Variants in GPC5 observed in about 807,000 individuals in gnomAD.
GPC5 encodes the protein glypican 5.
In GPC5, 47 loss-of-function variants were observed where a neutral mutation model predicts 53.9. The observed-to-expected ratio is 0.87, with a 90% CI of 0.69 to 1.11. GPC5 has a LOEUF of 1.11. Among genes scored for constraint, GPC5 ranks in the 50% most tolerant of loss-of-function variants. GPC5 has a pLI of 0.00. For synonymous variants in GPC5, 286 were observed against 263.3 expected (o/e 1.09, Z -0.84); for missense variants, 748 against 713.1 (o/e 1.05, Z -0.56).
At chr13:92,431,614 G>A (rs183264156) in intron 7 of GPC5, among the ~76,000 whole-genome samples, 1 of 152,190 alleles carries the variant, frequency 6.6e-6, no homozygotes, top group Non-Finnish European at 1.5e-5. Context: ...TAGATTGTCT[G>A]AGCAAAGACT....
chr13:92,583,781 C>T (rs1883443919), intron 7 of GPC5, among the ~76,000 whole-genome samples: 1 of 152,140 alleles, frequency 6.6e-6, no homozygotes, highest in Non-Finnish European at 1.5e-5. Context: ...ATCTTGAATT[C>T]CCAAGTGTTG....
chr13:92,698,143 T>C (rs1158357840), intron 7 of GPC5, among the ~76,000 whole-genome samples: 2 of 152,144 alleles, frequency 1.3e-5, no homozygotes, highest in Non-Finnish European at 2.9e-5. Flanking sequence ...TCATCAGGGA[T>C]ATTGGCCTGA....
intron 7 of GPC5, among the ~76,000 whole-genome samples, chr13:92,637,677 C>T (rs1288547960): frequency 1.3e-5 from 2 of 152,110 alleles, no homozygotes; most frequent in Non-Finnish European, 2.9e-5. Flanking sequence ...TAAAGCTTAA[C>T]TATTCGGCAC....
chr13:92,436,822 T>G (rs1483084420), intron 7 of GPC5, among the ~76,000 whole-genome samples: 1 of 152,192 alleles, frequency 6.6e-6, no homozygotes, highest in African/African-American at 2.4e-5. Flanking sequence ...ATTTATCCTT[T>G]TATTCCTAGT....
intron 2 of GPC5, among the ~76,000 whole-genome samples, chr13:91,680,772 A>G (rs1052482649): frequency 4.6e-5 from 7 of 152,194 alleles, no homozygotes; most frequent in African/African-American, 1.7e-4. Flanking sequence ...CCTAAACAAG[A>G]TGCTGTTCAC....
intron 6 of GPC5, among the ~76,000 whole-genome samples, chr13:92,110,097 T>C (rs771174572): frequency 3.3e-5 from 5 of 152,180 alleles, no homozygotes; most frequent in Non-Finnish European, 7.3e-5. Context: ...ACTCTAGTTA[T>C]ATGAATGGGA....
chr13:92,376,947 G>A (rs547688639), intron 7 of GPC5, among the ~76,000 whole-genome samples: 4 of 151,918 alleles, frequency 2.6e-5, no homozygotes, highest in East Asian at 1.9e-4. Context: ...ACCCAGGAGC[G>A]GAGGTTGCAG....
At chr13:91,714,696 G>A (rs1566631301) in intron 3 of GPC5, among the ~76,000 whole-genome samples, 1 of 152,088 alleles carries the variant, frequency 6.6e-6, no homozygotes, top group Non-Finnish European at 1.5e-5. Flanking sequence ...CGAGATAATA[G>A]GGAGGATAGG....
chr13:92,453,444 A>C (rs1212744412), intron 7 of GPC5, among the ~76,000 whole-genome samples: 1 of 152,148 alleles, frequency 6.6e-6, no homozygotes, highest in African/African-American at 2.4e-5. Flanking sequence ...AGCGGGATTC[A>C]CCAGGAAGCT....
In GPC5 at chr13:91,693,378, C is replaced by T. The variant is rs766400383; in HGVS notation, c.517C>T (p.Leu173=). ...VNRFFDSLFP[L]VYNHLINPGV... is the part of the protein sequence containing the mutation. The stretch of plus-strand genomic sequence containing the variant: ...CAGATTTTTTGACAGTCTTTTTCCT[C>T]TGGTCTACAACCACCTCATTAACCC... The change falls in exon 3 of 8, where the codon CTG becomes TTG. Residue 173 remains leucine, a synonymous_variant. Transcript: ENST00000377067. The T allele has an allele frequency of 1.9e-6, 3 of 1,614,086 alleles. No individual in the cohort carries two copies. The South Asian group carries it at 3.3e-5, about 18-fold the overall frequency.
chr13:91,977,586 ACAC>A (rs1470202113), intron 6 of GPC5, among the ~76,000 whole-genome samples: 1 of 152,180 alleles, frequency 6.6e-6, no homozygotes, highest in Non-Finnish European at 1.5e-5. Context: ...TTTGAGCTAA[ACAC>A]ATTTGGGAAA....
At chr13:92,164,922 G>T (rs1157912185) in intron 7 of GPC5, among the ~76,000 whole-genome samples, 1 of 152,240 alleles carries the variant, frequency 6.6e-6, no homozygotes, top group African/African-American at 2.4e-5. Context: ...AAGGCTTGGG[G>T]TTCGCACCCT....
chr13:92,840,916 G>A (rs1399003397), intron 7 of GPC5, among the ~76,000 whole-genome samples: 2 of 151,926 alleles, frequency 1.3e-5, no homozygotes, highest in African/African-American at 4.8e-5. Flanking sequence ...CATTTTTGAT[G>A]TACAGAAACA....
chr13:91,613,796 T>C (rs1250301619), intron 2 of GPC5, among the ~76,000 whole-genome samples: 1 of 152,084 alleles, frequency 6.6e-6, no homozygotes, highest in African/African-American at 2.4e-5. Flanking sequence ...TGAGCGCAAA[T>C]TATCACCATA....
chr13:91,756,262 G>C (rs1226381659), intron 4 of GPC5, 33 bp from the exon 5 acceptor site: 1 of 1,448,666 alleles, frequency 6.9e-7, no homozygotes, highest in East Asian at 2.4e-5. Context: ...GTGGATGTTT[G>C]GTTTTAATTG....
At chr13:92,122,953 C>T (rs1307563915) in intron 6 of GPC5, among the ~76,000 whole-genome samples, 2 of 151,996 alleles carry the variant, frequency 1.3e-5, no homozygotes, top group Non-Finnish European at 2.9e-5. Context: ...AGAATATAGA[C>T]ATTATGTATG....
At chr13:92,759,524 T>C (rs1875070981) in intron 7 of GPC5, among the ~76,000 whole-genome samples, 1 of 152,102 alleles carries the variant, frequency 6.6e-6, no homozygotes, top group Non-Finnish European at 1.5e-5. Context: ...TAGTCATTGT[T>C]TGTCTATACA....
chr13:92,014,063 A>C (rs1351526213), intron 6 of GPC5, among the ~76,000 whole-genome samples: 1 of 152,164 alleles, frequency 6.6e-6, no homozygotes. Context: ...CTTTAAATGC[A>C]TTTGCATACT....
intron 2 of GPC5, among the ~76,000 whole-genome samples, chr13:91,616,011 T>C (rs1206001534): frequency 6.6e-6 from 1 of 152,132 alleles, no homozygotes; most frequent in Non-Finnish European, 1.5e-5. Flanking sequence ...GATTGAAATA[T>C]TATTTAAAAG....
Sources: allele counts gnomAD v4.1 joint callset (sites outside exome capture counted in the v4.1 genomes callset), GRCh38; gene constraint gnomAD v4.1.1; transcripts MANE v1.5; gene names NCBI Gene and HGNC (gene_info 2026-07-23, HGNC 2026-07-21).